MTA1: variants seen among roughly 807,000 people sequenced by gnomAD.
MTA1 encodes metastasis-associated protein MTA1.
MTA1 carries 15 observed loss-of-function variants against 97.0 expected under a neutral mutation model. The ratio of observed to expected loss-of-function variants is 0.15; its 90% confidence interval spans 0.10 to 0.24. MTA1 has a LOEUF of 0.24. Among genes scored for constraint, MTA1 ranks in the 10% least tolerant of loss-of-function variants. The probability of loss-of-function intolerance (pLI) is 1.00; values close to 1 mark genes in which losing one functional copy is unlikely to be tolerated. For missense variants in MTA1, 709 were observed against 1,015.1 expected (o/e 0.70, Z 4.10); for synonymous variants, 435 against 417.5 (o/e 1.04, Z -0.51).
intron 17 of MTA1, 44 bp downstream of exon 17, chr14:105,466,622 G>T (rs1555432947): frequency 3.8e-6 from 6 of 1,575,140 alleles, no homozygotes; most frequent in Non-Finnish European, 5.2e-6. Flanking sequence ...TCCCCGCCCG[G>T]TGAGTCCGGC....
intron 10 of MTA1, among the ~76,000 whole-genome samples, chr14:105,462,586 G>C (rs1415723738): frequency 6.6e-6 from 1 of 150,592 alleles, no homozygotes; most frequent in Non-Finnish European, 1.5e-5. Context: ...AAAAATGGCT[G>C]AGATGGCCGG....
Position 105,424,768 on chromosome 14 carries a change from T to C in MTA1, c.28+4705T>C, listed in dbSNP as rs2081960774. ...GCCTCGGCCTCCCAAAGTGCTGGGA[T>C]TACAGGCGTGAGCCACGGTGCCTGG... On this transcript the variant is annotated intron_variant, in intron 1 of 20. Transcript: ENST00000331320. The surrounding 1 kb of genome is among the most constrained non-coding windows in gnomAD (Gnocchi z 4.0). Among the ~76,000 whole-genome samples, 1 of 152,200 alleles carries C rather than the reference T, an allele frequency of 6.6e-6. No individual in the cohort carries two copies. Among genetic ancestry groups the C allele is most frequent in the African/African-American group, 2.4e-5 (1 of 41,432 alleles).
In MTA1 at chr14:105,438,690, A is replaced by G. The variant is rs1555424965; in HGVS notation, c.47A>G (p.Asn16Ser). ...TTTGCAGACTACGTCTACTTTGAGA[A>G]CTCCTCCAGCAACCCATACCTGATC... is the stretch of plus-strand genomic sequence containing the variant. ...YRVGDYVYFE[N>S]SSSNPYLIRR... The change falls in exon 2 of 21, where the codon AAC becomes AGC. Residue 16 changes from asparagine (N) to serine (S), a missense_variant. By Grantham distance (46) the Asn-to-Ser change is conservative. Transcript: ENST00000331320. 6.2e-7 allele frequency: 1 copy of G among 1,610,604 alleles called. No individual in the cohort carries two copies. The highest frequency in any genetic ancestry group is 8.5e-7 in the Non-Finnish European group (1 of 1,179,088).
rs587623482 is a variant in MTA1, at chr14:105,426,634, CGTCT to C, written c.28+6577_28+6580del. On this transcript the variant is annotated intron_variant, in intron 1 of 20. Transcript: ENST00000331320. ...CCATCTGGCCACTTGCATGAGGGAACGTCTGTCTGCATCCCCTGGGGGCCGCTGT... is the reference window on the plus strand; with the variant it reads ...CCATCTGGCCACTTGCATGAGGGAACGTCTGCATCCCCTGGGGGCCGCTGT... Among the ~76,000 whole-genome samples the C allele has an allele frequency of 5.7e-3, 874 of 152,340 alleles. 13 individuals carry two copies. Among genetic ancestry groups the C allele is most frequent in the African/African-American group, 0.02 (814 of 41,576 alleles).
chr14:105,446,133 TG>T (rs2082710855), intron 3 of MTA1, among the ~76,000 whole-genome samples: 1 of 152,076 alleles, frequency 6.6e-6, no homozygotes, highest in Admixed American at 6.5e-5. Context: ...TGCCGGGGGA[TG>T]TTGACTTCAG....
At chr14:105,435,885 T>C (rs1245169547) in intron 1 of MTA1, among the ~76,000 whole-genome samples, 1 of 152,222 alleles carries the variant, frequency 6.6e-6, no homozygotes, top group African/African-American at 2.4e-5. Flanking sequence ...TGATGTCCCA[T>C]CTGTCGTTCC....
At chr14:105,429,685 C>T (rs1555423000) in intron 1 of MTA1, among the ~76,000 whole-genome samples, 2 of 148,558 alleles carry the variant, frequency 1.3e-5, no homozygotes, top group African/African-American at 5.0e-5. Context: ...AATCTCCTGA[C>T]CTTGTGATCC....
intron 1 of MTA1, among the ~76,000 whole-genome samples, chr14:105,432,489 T>C (rs1437710888): frequency 6.6e-6 from 1 of 152,172 alleles, no homozygotes; most frequent in Non-Finnish European, 1.5e-5. Context: ...TCCACCTGCC[T>C]CGGCCTCCCA....
chr14:105,422,719 G>A lies in MTA1; in HGVS notation c.28+2656G>A, dbSNP rs1336337616. On this transcript the variant is annotated intron_variant, in intron 1 of 20. Transcript: ENST00000331320. This position sits in a 1 kb window ranked among gnomAD's most constrained non-coding sequence, Gnocchi z 4.3. ...CGTATTTTAGCTGGCAGGCTACTCC[G>A]AGGCCCTGCCAGGTTGGGCTAGGCA... is the stretch of plus-strand genomic sequence containing the variant. 6.6e-6 allele frequency among the ~76,000 whole-genome samples: 1 copy of A among 152,208 alleles called. No homozygotes were observed. Among genetic ancestry groups the A allele is most frequent in the Non-Finnish European group, 1.5e-5 (1 of 68,032 alleles).
At chr14:105,456,384 C>T (rs1334700210) in intron 7 of MTA1, among the ~76,000 whole-genome samples, 5 of 152,236 alleles carry the variant, frequency 3.3e-5, no homozygotes, top group Non-Finnish European at 5.9e-5. Flanking sequence ...CTGGAGAGAC[C>T]TGGCGGAGCT....
At chr14:105,429,081 C>A (rs1555422830) in intron 1 of MTA1, among the ~76,000 whole-genome samples, 1 of 152,180 alleles carries the variant, frequency 6.6e-6, no homozygotes. Context: ...CATGGGCCAA[C>A]TTCTGCTAGC....
chr14:105,458,563 A>G (rs1555430439), intron 8 of MTA1, among the ~76,000 whole-genome samples, 191 bp downstream of exon 8: 1 of 152,058 alleles, frequency 6.6e-6, no homozygotes, highest in African/African-American at 2.4e-5. Context: ...CAGGCCCTTC[A>G]TTAAATAGAA....
chr14:105,459,074 T>A (rs1385148053), intron 8 of MTA1, among the ~76,000 whole-genome samples: 2 of 133,074 alleles, frequency 1.5e-5, no homozygotes, highest in Non-Finnish European at 3.2e-5. Flanking sequence ...CTGGGGGGAG[T>A]CCGTGCTGCC....
Position 105,466,432 on chromosome 14 carries a change from ACCCCCG to A in MTA1, c.1637_1642del (p.Arg546_Pro547del). 1.4e-6 allele frequency: 1 copy of A among 724,464 alleles called. No homozygotes were observed. Among genetic ancestry groups the A allele is most frequent in the Non-Finnish European group, 2.3e-6 (1 of 433,660 alleles). 44.9% of individuals were successfully genotyped at this position (724,464 alleles called of 1,614,324 possible). A position where few individuals can be genotyped will look rare whatever the true frequency, so the allele number is the denominator to read the frequency against. ...CCTGTGTCATTCCCGGCAGAGACCC[ACCCCCG>A]CCCCCCCAAGCCTGACCCCGTGAAA... On this transcript the variant is annotated inframe_deletion, in exon 17 of 21. Coordinates refer to ENST00000331320, the MANE Select transcript of MTA1 (RefSeq NM_004689.4).
At chr14:105,456,552 C>T (rs1445736645) in intron 7 of MTA1, among the ~76,000 whole-genome samples, 13 of 152,198 alleles carry the variant, frequency 8.5e-5, no homozygotes. Context: ...TGGTGTGGGG[C>T]CGGGACGTGG....
intron 1 of MTA1, among the ~76,000 whole-genome samples, chr14:105,429,378 C>T (rs1055240813): frequency 1.2e-4 from 18 of 152,042 alleles, no homozygotes; most frequent in South Asian, 2.1e-4. Context: ...CTCCGCCTCC[C>T]GGGTTCAAGC....
At position 105,419,917 on chromosome 14, in the gene MTA1, C is replaced by T. The variant is rs1555420385; in HGVS notation, c.-119C>T. ...GCGGCGGCGGCGGCGGCGGCAGCAG[C>T]GCGGCCCCTTTAAACGCCTGCGGCG... is the stretch of plus-strand genomic sequence containing the variant. On this transcript the variant is annotated 5_prime_UTR_variant, in exon 1 of 21. Transcript: ENST00000331320. The T allele has an allele frequency of 3.5e-6, 1 of 287,204 alleles. No homozygotes were observed. Among genetic ancestry groups the T allele is most frequent in the Non-Finnish European group, 5.2e-6 (1 of 193,428 alleles). 17.8% of individuals were successfully genotyped at this position (287,204 alleles called of 1,614,324 possible).
chr14:105,421,349 C>T (rs1566991900), intron 1 of MTA1, among the ~76,000 whole-genome samples: 1 of 152,210 alleles, frequency 6.6e-6, no homozygotes, highest in Non-Finnish European at 1.5e-5. Context: ...CTGTTCCTTC[C>T]TGTTCTTTCT....
intron 13 of MTA1, 113 bp downstream of exon 13, chr14:105,464,260 TGGGGGCTGCGTCCCA>T: frequency 8.5e-7 from 1 of 1,175,958 alleles, no homozygotes; most frequent in Non-Finnish European, 1.1e-6. Context: ...CCACTGACGA[TGGGGGCTGCGTCCCA>T]GGGGTGTGGT....
Sources: gnomAD v4.1 joint callset for allele counts (sites outside exome capture counted in the v4.1 genomes callset) on GRCh38, gnomAD v4.1.1 for gene constraint, Gnocchi (gnomAD v3.1) non-coding constraint, MANE v1.5 for transcripts, NCBI Gene and HGNC (gene_info 2026-07-23, HGNC 2026-07-21) for gene names.